The following OR2T6 variants were observed in gnomAD, a reference collection of about 807,000 sequenced individuals.
The protein encoded by OR2T6 is olfactory receptor 2T6.
For synonymous variants in OR2T6, 174 were observed against 148.0 expected, an observed-to-expected ratio of 1.18 and a Z score of -1.27; for missense variants, 424 against 391.6, an observed-to-expected ratio of 1.08 and a Z score of -0.70.
chr1:248,386,780 G>A (rs1159173956), intron 2 of OR2T6, among the ~76,000 whole-genome samples: 2 of 152,170 alleles, frequency 1.3e-5, no homozygotes, highest in South Asian at 2.1e-4. Flanking sequence ...TATTTATTTT[G>A]TAGGAACACC....
rs1362338767 is a variant in OR2T6 at position 248,387,868 on chromosome 1, T to C, written c.260T>C (p.Met87Thr). The C allele has an allele frequency of 4.4e-6, 7 of 1,596,686 alleles. No homozygotes were observed. The East Asian group carries it at 6.7e-5, about 15-fold the overall frequency. ...CCCAAGATGCTGGTAGATTATCTCA[T>C]GGGCGAGGGGACCATCTCTTTCATC... The part of the protein sequence containing the change: ...IVPKMLVDYL[M>T]GEGTISFIAC... The change falls in exon 3 of 3, where the codon ATG (methionine) becomes ACG (threonine). Residue 87 changes from methionine to threonine, a missense_variant. By Grantham distance (81) the Met-to-Thr change is moderately conservative (BLOSUM62 -1). Transcript: ENST00000641644.
rs773197375 is a variant in OR2T6 at position 248,382,532 on chromosome 1, C to CTTTTTTTTTTTT, written c.-158-2176_-158-2175insTTTTTTTTTTTT. Among the ~76,000 whole-genome samples the CTTTTTTTTTTTT allele has an allele frequency of 9.4e-5, 11 of 117,290 alleles. 1 individual carries two copies. Among genetic ancestry groups the CTTTTTTTTTTTT allele is most frequent in the South Asian group, 2.8e-4 (1 of 3,520 alleles). The allele number at this position is 117,290 out of a possible 152,430, so 76.9% of individuals were successfully genotyped here. Reference sequence around the variant, plus strand: ...CAATACTCCATGTCTACCTTTCTTTCTTTCTTTTTTTTTTTTTTTAGATGG... The same window carrying CTTTTTTTTTTTT: ...CAATACTCCATGTCTACCTTTCTTTCTTTTTTTTTTTTTTTCTTTTTTTTTTTTTTTAGATGG... On this transcript the variant is annotated intron_variant, in intron 1 of 2. Transcript: ENST00000641644.
At chr1:248,377,425 G>A (rs1660954904) in intron 1 of OR2T6, among the ~76,000 whole-genome samples, 1 of 152,204 alleles carries the variant, frequency 6.6e-6, no homozygotes, top group African/African-American at 2.4e-5. Context: ...CTGTGCTAAT[G>A]GCTGTTGATA....
chr1:248,387,233 G>C (rs1173551986), intron 2 of OR2T6, among the ~76,000 whole-genome samples: 1 of 152,178 alleles, frequency 6.6e-6, no homozygotes, highest in African/African-American at 2.4e-5. Flanking sequence ...TTATTGGGTT[G>C]TTTGAATTGA....
At chr1:248,386,832 T>C (rs1376356634) in intron 2 of OR2T6, among the ~76,000 whole-genome samples, 1 of 152,240 alleles carries the variant, frequency 6.6e-6, no homozygotes, top group Non-Finnish European at 1.5e-5. Context: ...TATCTTTCAT[T>C]GTCTGTGTTG....
At position 248,387,840 on chromosome 1, in the gene OR2T6, G is replaced by A. The variant is rs746157906; in HGVS notation, c.232G>A (p.Val78Met). The change falls in exon 3 of 3, where the codon GTG (valine) becomes ATG (methionine). Residue 78 changes from valine (V) to methionine (M), a missense_variant. Transcript: ENST00000641644. ...VIDTLYISTI[V>M]PKMLVDYLMG... Reference sequence around the variant, plus strand: ...TGACACATTATACATCTCCACCATTGTGCCCAAGATGCTGGTAGATTATCT... The same window carrying A: ...TGACACATTATACATCTCCACCATTATGCCCAAGATGCTGGTAGATTATCT... The A allele has an allele frequency of 2.4e-5, 38 of 1,602,208 alleles. No individual in the cohort carries two copies. Among genetic ancestry groups the A allele is most frequent in the Non-Finnish European group, 3.2e-5 (38 of 1,171,400 alleles).
At chr1:248,377,073 G>A in intron 1 of OR2T6, among the ~76,000 whole-genome samples, 1 of 152,166 alleles carries the variant, frequency 6.6e-6, no homozygotes, top group East Asian at 1.9e-4. Context: ...GAACATTCTT[G>A]CTATCGTGTG....
rs532472457 is a variant in OR2T6 at position 248,386,555 on chromosome 1, A to C, written c.-4-1050A>C. Among the ~76,000 whole-genome samples the C allele has an allele frequency of 2.6e-5, 4 of 152,380 alleles. No homozygotes were observed. The South Asian group carries it at 8.3e-4, about 32-fold the overall frequency. On this transcript the variant is annotated intron_variant, in intron 2 of 2. Coordinates refer to ENST00000641644, the MANE Select transcript of OR2T6 (RefSeq NM_001005471.2). The stretch of plus-strand genomic sequence containing the variant: ...AAAAAACAGAAAGATCATAATGAAC[A>C]TGTTAAAGTTAAACTGTTACATGTT...
intron 2 of OR2T6, 57 bp from the exon 3 acceptor site, chr1:248,387,548 T>A: frequency 9.5e-7 from 1 of 1,049,842 alleles, no homozygotes; most frequent in Non-Finnish European, 1.4e-6. Context: ...AAGTGATTTA[T>A]CTTTTGTCAT....
intron 1 of OR2T6, among the ~76,000 whole-genome samples, chr1:248,382,111 G>C (rs1004460020): frequency 6.9e-6 from 1 of 145,938 alleles, no homozygotes; most frequent in Non-Finnish European, 1.5e-5. Flanking sequence ...GTGGAGAAAG[G>C]GTCAAACCCA....
In OR2T6 at chr1:248,375,949, G is replaced by T. The variant is rs1016887617; in HGVS notation, c.-264G>T. The T allele has an allele frequency of 4.6e-5, 7 of 151,940 alleles. No homozygotes were observed. Among genetic ancestry groups the T allele is most frequent in the Non-Finnish European group, 8.8e-5 (6 of 67,986 alleles). 9.4% of individuals were successfully genotyped at this position (151,940 alleles called of 1,614,324 possible). ...GACAGAAAAAAAGAAGATCAAGAAGGTTCCCTTTTATCTCTTGTTTCTAAG... is the reference window on the plus strand; with the variant it reads ...GACAGAAAAAAAGAAGATCAAGAAGTTTCCCTTTTATCTCTTGTTTCTAAG... On this transcript the variant is annotated 5_prime_UTR_variant, in exon 1 of 3. Transcript: ENST00000641644.
Position 248,387,870 on chromosome 1 carries a change from G to A in OR2T6, c.262G>A (p.Gly88Ser), listed in dbSNP as rs1227609295. Reference sequence around the variant, plus strand: ...CAAGATGCTGGTAGATTATCTCATGGGCGAGGGGACCATCTCTTTCATCGC... The same window carrying A: ...CAAGATGCTGGTAGATTATCTCATGAGCGAGGGGACCATCTCTTTCATCGC... ...VPKMLVDYLM[G>S]EGTISFIACT... Residue 88 changes from glycine to serine, a missense_variant, in exon 3 of 3, where the codon GGC becomes AGC. Physicochemically the swap from Gly to Ser is moderately conservative, Grantham distance 56. Coordinates refer to ENST00000641644, the MANE Select transcript of OR2T6 (RefSeq NM_001005471.2). 1.9e-6 allele frequency: 3 copies of A among 1,596,466 alleles called. No individual in the cohort carries two copies. Among genetic ancestry groups the A allele is most frequent in the Non-Finnish European group, 2.6e-6 (3 of 1,168,278 alleles).
intron 1 of OR2T6, among the ~76,000 whole-genome samples, chr1:248,379,887 T>G (rs1454894694): frequency 6.6e-6 from 1 of 152,106 alleles, no homozygotes; most frequent in African/African-American, 2.4e-5. Flanking sequence ...TATCATACTT[T>G]AAGTTCTAGG....
chr1:248,387,920 C>A lies in OR2T6; in HGVS notation c.312C>A (p.Tyr104Ter). The A allele has an allele frequency of 6.2e-7, 1 of 1,605,186 alleles. No homozygotes were observed. Among genetic ancestry groups the A allele is most frequent in the Non-Finnish European group, 8.5e-7 (1 of 1,175,968 alleles). Residue 104 changes from tyrosine to a stop codon, truncating the protein, a stop_gained, in exon 3 of 3, where the codon TAC (tyrosine) becomes TAA (stop). Transcript: ENST00000641644. LOFTEE classifies it low-confidence loss of function (END_TRUNC). ...FIACTAQCFLYMGFMGAEFFL... is the reference protein window; with the variant it reads ...FIACTAQCFL ...CCTGCACTGCTCAGTGCTTTCTCTA[C>A]ATGGGCTTTATGGGGGCTGAATTCT...
chr1:248,388,674 A>G lies in OR2T6; in HGVS notation c.*139A>G. 3.4e-6 allele frequency: 2 copies of G among 595,682 alleles called. No homozygotes were observed. The highest frequency in any genetic ancestry group is 5.6e-6 in the Non-Finnish European group (2 of 354,512). The allele number at this position is 595,682 out of a possible 1,614,324, so 36.9% of individuals were successfully genotyped here. A position where few individuals can be genotyped will look rare whatever the true frequency, so the allele number is the denominator to read the frequency against. On this transcript the variant is annotated 3_prime_UTR_variant, in exon 3 of 3. Transcript: ENST00000641644. The stretch of plus-strand genomic sequence containing the variant: ...CAATACCAGCTGTGCTAAATGGTGT[A>G]TCAACAGTACCCCCATCAAAAATGG...
intron 2 of OR2T6, 68 bp from the exon 3 acceptor site, chr1:248,387,537 T>C: frequency 3.1e-6 from 3 of 969,172 alleles, no homozygotes; most frequent in Non-Finnish European, 4.5e-6. Context: ...CAGACATGTT[T>C]AAGTGATTTA....
chr1:248,379,821 A>G (rs539730969), intron 1 of OR2T6, among the ~76,000 whole-genome samples: 38 of 152,126 alleles, frequency 2.5e-4, no homozygotes, highest in African/African-American at 9.2e-4. Context: ...TAAAACTTTT[A>G]AATTGTTCCA....
In OR2T6 at chr1:248,388,435, C is replaced by A. The variant is rs749648231; in HGVS notation, c.827C>A (p.Ala276Asp). 1.7e-5 allele frequency: 27 copies of A among 1,613,510 alleles called. No individual in the cohort carries two copies. The highest frequency in any genetic ancestry group is 4.0e-5 in the African/African-American group (3 of 74,994). ...CCAATCAAAGATAAGGTCTTCTCTG[C>A]CTTTTATACCATCCTCACACCCTTA... ...HTPIKDKVFS[A>D]FYTILTPLLN... The change falls in exon 3 of 3, where the codon GCC becomes GAC. Residue 276 changes from alanine to aspartate, a missense_variant. Ala to Asp is a moderately radical substitution (Grantham distance 126). Transcript: ENST00000641644.
intron 2 of OR2T6, 143 bp from the exon 3 acceptor site, chr1:248,387,462 A>G: frequency 2.2e-6 from 1 of 462,628 alleles, no homozygotes; most frequent in Non-Finnish European, 3.8e-6. Flanking sequence ...GAAGCTACAA[A>G]TCTACCACAC....
Sources: allele counts gnomAD v4.1 joint callset (sites outside exome capture counted in the v4.1 genomes callset), GRCh38; gene constraint gnomAD v4.1.1; transcripts MANE v1.5; gene names NCBI Gene and HGNC (gene_info 2026-07-23, HGNC 2026-07-21).